Variants in PYGB observed in about 807,000 individuals in gnomAD.
PYGB encodes the protein glycogen phosphorylase B, also known as glycogen phosphorylase, brain form.
In PYGB, 82 loss-of-function variants were observed where a neutral mutation model predicts 94.3. The observed-to-expected ratio is 0.87, with a 90% confidence interval of 0.73 to 1.04. The LOEUF (loss-of-function observed/expected upper bound fraction) is 1.04, where lower values mean the gene tolerates loss of function less well. PYGB is among the 50% of genes least tolerant of loss of function. PYGB has a pLI of 0.00. For synonymous variants in PYGB, 488 were observed against 479.1 expected, an observed-to-expected ratio of 1.02 and a Z score of -0.24; for missense variants, 1,132 against 1,158.2, an observed-to-expected ratio of 0.98 and a Z score of 0.33.
chr20:25,254,844 T>C (rs911098549), intron 1 of PYGB, among the ~76,000 whole-genome samples: 1 of 152,208 alleles, frequency 6.6e-6, no homozygotes, highest in Admixed American at 6.5e-5. Flanking sequence ...CAGTGACTTG[T>C]GGCAATGTGT....
In PYGB at chr20:25,292,627, C is replaced by T. The variant is rs2088479718; in HGVS notation, c.2177+14C>T. The T allele has an allele frequency of 1.9e-6, 3 of 1,606,860 alleles. No individual in the cohort carries two copies. The highest frequency in any genetic ancestry group is 1.3e-5 in the African/African-American group (1 of 74,892). ...GGACCGGAAAGGGTGCGAGCCTGTG[C>T]CCCTGGGCACCTGGCACCGTGAGGA... On this transcript the variant is annotated intron_variant, in intron 17 of 19. Transcript: ENST00000216962.
chr20:25,270,677 TAG>T (rs1161823742), intron 3 of PYGB, among the ~76,000 whole-genome samples: 3 of 152,176 alleles, frequency 2.0e-5, no homozygotes, highest in African/African-American at 7.2e-5. Context: ...GTATTTTTTA[TAG>T]AGACAGGGTC....
rs2088373077 is a variant in PYGB, at chr20:25,282,096, C to G, written c.1467C>G (p.Pro489=). ...AGAATAAGACCAATGGCATCACCCC[C>G]CGCCGGTGGCTGCTGCTGTGCAACC... ...KFQNKTNGIT[P]RRWLLLCNPG... The change falls in exon 12 of 20, where the codon CCC becomes CCG. Residue 489 remains proline (P), a synonymous_variant. Transcript: ENST00000216962. 6.2e-7 allele frequency: 1 copy of G among 1,613,786 alleles called. No homozygotes were observed. The highest frequency in any genetic ancestry group is 1.1e-5 in the South Asian group (1 of 91,078).
rs767587503 is a variant in PYGB, at chr20:25,259,252, T to C, written c.259T>C (p.Ser87Pro). The C allele has an allele frequency of 1.2e-6, 2 of 1,603,688 alleles. No individual in the cohort carries two copies. Among genetic ancestry groups the C allele is most frequent in the South Asian group, 1.1e-5 (1 of 90,868 alleles). Reference sequence around the variant, plus strand: ...GCTTCCTCAGCGCATTTATTATCTTTCCCTGGAATTCTACATGGGTCGCAC... The same window carrying C: ...GCTTCCTCAGCGCATTTATTATCTTCCCCTGGAATTCTACATGGGTCGCAC... ...ERDPKRIYYL[S>P]LEFYMGRTLQ... The change falls in exon 2 of 20, where the codon TCC (serine) becomes CCC (proline). Residue 87 changes from serine to proline, a missense_variant. Physicochemically the swap from Ser to Pro is moderately conservative, Grantham distance 74 (BLOSUM62 -1). Coordinates refer to ENST00000216962, the MANE Select transcript of PYGB (RefSeq NM_002862.4).
intron 2 of PYGB, among the ~76,000 whole-genome samples, chr20:25,261,673 A>G (rs542474986): frequency 6.6e-6 from 1 of 152,328 alleles, no homozygotes; most frequent in African/African-American, 2.4e-5. Context: ...CAGACGATCA[A>G]ACTTCTCCGA....
At chr20:25,273,190 C>G (rs1022319182) in intron 4 of PYGB, among the ~76,000 whole-genome samples, 1 of 152,232 alleles carries the variant, frequency 6.6e-6, no homozygotes, top group Non-Finnish European at 1.5e-5. Context: ...GGAGGCCCTG[C>G]AAGGGAGACT....
At chr20:25,248,986 C>G (rs539270288) in intron 1 of PYGB, among the ~76,000 whole-genome samples, 2 of 152,220 alleles carry the variant, frequency 1.3e-5, no homozygotes, top group East Asian at 3.8e-4. Context: ...AGATGGAGCC[C>G]TCGAAGAAGG....
intron 2 of PYGB, among the ~76,000 whole-genome samples, chr20:25,260,983 G>A (rs1234861038): frequency 6.6e-6 from 1 of 152,248 alleles, no homozygotes; most frequent in East Asian, 1.9e-4. Context: ...CAGCCGGGAA[G>A]CTTGAACTGG....
chr20:25,250,141 A>T lies in PYGB; in HGVS notation c.243+1720A>T, dbSNP rs73904035. ...AGGAGTTACAGGCGTGAGCCAACGCACCCGACCCGCAACATCATTTTTATT... is the reference window on the plus strand; with the variant it reads ...AGGAGTTACAGGCGTGAGCCAACGCTCCCGACCCGCAACATCATTTTTATT... On this transcript the variant is annotated intron_variant, in intron 1 of 19. Transcript: ENST00000216962. Among the ~76,000 whole-genome samples, 1,347 of 152,230 alleles carry T rather than the reference A, an allele frequency of 8.8e-3. 16 individuals are homozygous for T. Among genetic ancestry groups the T allele is most frequent in the African/African-American group, 0.03 (1,265 of 41,534 alleles).
chr20:25,255,535 G>T (rs1047472743), intron 1 of PYGB, among the ~76,000 whole-genome samples: 1 of 152,188 alleles, frequency 6.6e-6, no homozygotes, highest in Non-Finnish European at 1.5e-5. Context: ...TGGCAGGGAG[G>T]GACACTCTGC....
Position 25,296,452 on chromosome 20 carries a change from A to G in PYGB, c.2462A>G (p.Tyr821Cys), listed in dbSNP as rs2088546850. The G allele has an allele frequency of 6.2e-7, 1 of 1,613,904 alleles. No individual in the cohort carries two copies. Among genetic ancestry groups the G allele is most frequent in the Non-Finnish European group, 8.5e-7 (1 of 1,180,042 alleles). Residue 821 changes from tyrosine to cysteine, a missense_variant, in exon 20 of 20, where the codon TAT becomes TGT. Physicochemically the swap from Tyr to Cys is radical, Grantham distance 194. Transcript: ENST00000216962. ...KFSSDRTITE[Y>C]AREIWGVEPS... is the part of the protein sequence containing the mutation. The stretch of plus-strand genomic sequence containing the variant: ...TCCAGTGACCGGACCATCACGGAGT[A>G]TGCACGGGAGATCTGGGGTGTGGAG...
chr20:25,271,414 C>T lies in PYGB; in HGVS notation c.456C>T (p.Gly152=), dbSNP rs548308962. 1.2e-6 allele frequency: 2 copies of T among 1,614,162 alleles called. No homozygotes were observed. The highest frequency in any genetic ancestry group is 1.1e-5 in the South Asian group (1 of 91,082). Residue 152 remains glycine (G), a synonymous_variant, in exon 4 of 20, where the codon GGC becomes GGT. Coordinates refer to ENST00000216962, the MANE Select transcript of PYGB (RefSeq NM_002862.4). ...ACFLDSMATL[G]LAAYGYGIRY... ...TCCTTGACTCAATGGCTACCTTGGG[C>T]CTGGCAGCATACGGCTATGGAATCC...
intron 14 of PYGB, chr20:25,285,702 G>C (rs1255891609): frequency 1.4e-5 from 2 of 141,492 alleles, no homozygotes; most frequent in Non-Finnish European, 3.1e-5. Flanking sequence ...ATGTGTGCTT[G>C]TGTCTGTGCA....
chr20:25,276,819 G>T, intron 6 of PYGB, 62 bp downstream of exon 6: 13 of 1,486,888 alleles, frequency 8.7e-6, no homozygotes, highest in Non-Finnish European at 1.2e-5. Context: ...AGACACCCTC[G>T]CCCACAGCCT....
At chr20:25,254,296 A>G (rs1428853638) in intron 1 of PYGB, among the ~76,000 whole-genome samples, 1 of 152,198 alleles carries the variant, frequency 6.6e-6, no homozygotes, top group Non-Finnish European at 1.5e-5. Flanking sequence ...AATTGTAAAA[A>G]ATACAAATAA....
intron 2 of PYGB, among the ~76,000 whole-genome samples, chr20:25,265,784 A>T (rs930233156): frequency 1.3e-5 from 2 of 151,864 alleles, no homozygotes; most frequent in Admixed American, 6.6e-5. Flanking sequence ...TTTAGTAGAG[A>T]CAGGGTTTCA....
At chr20:25,258,110 A>G (rs1041811424) in intron 1 of PYGB, among the ~76,000 whole-genome samples, 14 of 152,290 alleles carry the variant, frequency 9.2e-5, no homozygotes, top group Middle Eastern at 3.4e-3. Flanking sequence ...AAAAGTAAAA[A>G]CAGGCCATTG....
chr20:25,274,515 G>T, intron 4 of PYGB, 77 bp from the exon 5 acceptor site: 3 of 1,539,418 alleles, frequency 1.9e-6, no homozygotes, highest in East Asian at 2.3e-5. Context: ...TCGACCGCAC[G>T]GTCTGCTGGG....
At chr20:25,283,854 C>T in intron 13 of PYGB, among the ~76,000 whole-genome samples, 1 of 152,144 alleles carries the variant, frequency 6.6e-6, no homozygotes, top group East Asian at 1.9e-4. Context: ...TTCTGCTTGG[C>T]TCCAGGCGTG....
Sources: allele counts gnomAD v4.1 joint callset (sites outside exome capture counted in the v4.1 genomes callset), GRCh38; gene constraint gnomAD v4.1.1; transcripts MANE v1.5; gene names NCBI Gene and HGNC (gene_info 2026-07-23, HGNC 2026-07-21).